DIAPH2: variants seen among roughly 807,000 people sequenced by gnomAD.
DIAPH2 encodes the protein protein diaphanous homolog 2.
In DIAPH2, 35 loss-of-function variants were observed where a neutral mutation model predicts 92.7. The observed-to-expected ratio is 0.38, with a 90% CI of 0.29 to 0.50. The LOEUF (loss-of-function observed/expected upper bound fraction) is 0.50, where lower values mean the gene tolerates loss of function less well. Among genes scored for constraint, DIAPH2 ranks in the 20% least tolerant of loss-of-function variants. The pLI is 0.94. For missense variants in DIAPH2, 701 were observed against 819.5 expected (o/e 0.86, Z 1.77); for synonymous variants, 301 against 280.4 (o/e 1.07, Z -0.73).
intron 22 of DIAPH2, among the ~76,000 whole-genome samples, chrX:97,235,872 G>T (rs974143127): frequency 1.8e-5 from 2 of 111,485 alleles, no homozygotes; most frequent in African/African-American, 6.5e-5. Context: ...GCTTTCAGTA[G>T]TGAGGAACTT....
At chrX:97,209,718 G>A (rs2147503685) in intron 22 of DIAPH2, among the ~76,000 whole-genome samples, 1 of 110,578 alleles carries the variant, frequency 9.0e-6, no homozygotes, top group South Asian at 3.8e-4. Flanking sequence ...TGTTGAAATA[G>A]TAAGGTACTT....
intron 26 of DIAPH2, among the ~76,000 whole-genome samples, chrX:97,568,546 A>T (rs952005588): frequency 1.8e-5 from 2 of 111,776 alleles, no homozygotes; most frequent in African/African-American, 6.5e-5. Context: ...CTCCTTAAAT[A>T]TTGATATTGG....
intron 26 of DIAPH2, among the ~76,000 whole-genome samples, chrX:97,468,190 A>T (rs1370575671): frequency 1.8e-5 from 2 of 112,131 alleles, no homozygotes; most frequent in Non-Finnish European, 3.8e-5. Context: ...AGAGTAGAAT[A>T]TTAGCCCATT....
chrX:97,437,873 C>T (rs960379747), intron 26 of DIAPH2, among the ~76,000 whole-genome samples: 2 of 109,192 alleles, frequency 1.8e-5, no homozygotes, highest in African/African-American at 3.3e-5. Context: ...TGGGATCACC[C>T]AGAAAGGACA....
Position 96,920,755 on chromosome X carries a change from A to G in DIAPH2, c.978+2138A>G, listed in dbSNP as rs1042945041. Among the ~76,000 whole-genome samples the G allele has an allele frequency of 4.4e-5, 5 of 112,656 alleles. No homozygotes were observed. The Admixed American group carries it at 4.7e-4, about 11-fold the overall frequency. On this transcript the variant is annotated intron_variant, in intron 9 of 26. Coordinates refer to ENST00000324765, the MANE Select transcript of DIAPH2 (RefSeq NM_006729.5). ...TAAAGTGACAAATTGTTAACAAGTA[A>G]CATATGGAAGAATCATAGATGTCTT... is the stretch of plus-strand genomic sequence containing the variant.
chrX:97,336,800 A>G (rs939895595), intron 23 of DIAPH2, among the ~76,000 whole-genome samples: 2 of 111,916 alleles, frequency 1.8e-5, no homozygotes, highest in African/African-American at 3.2e-5. Context: ...AAGGAAGGAT[A>G]AAAAGACAGA....
In DIAPH2 at chrX:97,367,420, T is replaced by G. The variant is rs574705300; in HGVS notation, c.3010-16489T>G. Among the ~76,000 whole-genome samples, 32 of 111,826 alleles carry G rather than the reference T, an allele frequency of 2.9e-4. No individual in the cohort carries two copies. The South Asian group carries it at 0.012, about 42-fold the overall frequency. ...CAATCACTACTATATAACAGTGTCC[T>G]TATTATTTCCAGTTTGGAAAAGAGG... On this transcript the variant is annotated intron_variant, in intron 24 of 26. Transcript: ENST00000324765.
chrX:97,181,883 T>A (rs1190506840), intron 22 of DIAPH2, among the ~76,000 whole-genome samples: 2 of 112,788 alleles, frequency 1.8e-5, no homozygotes, highest in African/African-American at 6.4e-5. Flanking sequence ...ATTTAGTTTT[T>A]ATAATAAGAT....
chrX:96,953,651 T>C (rs1349579106), intron 15 of DIAPH2: 1 of 112,219 alleles, frequency 8.9e-6, no homozygotes, highest in African/African-American at 3.2e-5. Flanking sequence ...GAGTTGCTTT[T>C]GGAGAATGAT....
intron 25 of DIAPH2, among the ~76,000 whole-genome samples, chrX:97,428,258 A>T (rs2070090288): frequency 1.8e-5 from 2 of 111,994 alleles, no homozygotes; most frequent in Non-Finnish European, 3.8e-5. Context: ...AGCTGGGCGC[A>T]GTGGCTCACG....
At chrX:96,708,387 G>T (rs985541345) in intron 1 of DIAPH2, among the ~76,000 whole-genome samples, 12 of 109,354 alleles carry the variant, frequency 1.1e-4, no homozygotes, top group South Asian at 4.0e-4. Flanking sequence ...GATTACAGGC[G>T]CCTGCCACCG....
chrX:97,575,849 T>C (rs1312320131), intron 26 of DIAPH2, among the ~76,000 whole-genome samples: 1 of 111,870 alleles, frequency 8.9e-6, no homozygotes, highest in Non-Finnish European at 1.9e-5. Context: ...AGTTAAAATA[T>C]GGGAAAGGGC....
intron 26 of DIAPH2, among the ~76,000 whole-genome samples, chrX:97,589,979 G>T (rs985671738): frequency 4.5e-5 from 5 of 112,289 alleles, no homozygotes; most frequent in Admixed American, 9.5e-5. Flanking sequence ...CAATGGCACC[G>T]ACAGCTGTTA....
chrX:96,836,827 A>C (rs1308799194), intron 4 of DIAPH2, among the ~76,000 whole-genome samples: 1 of 89,542 alleles, frequency 1.1e-5, no homozygotes, highest in Non-Finnish European at 2.1e-5. Flanking sequence ...TCCCGGGTTC[A>C]CGCCATTCTC....
chrX:97,521,008 C>T (rs897573231), intron 26 of DIAPH2, among the ~76,000 whole-genome samples: 1 of 111,213 alleles, frequency 9.0e-6, no homozygotes, highest in East Asian at 2.8e-4. Context: ...TGAAGTCTAC[C>T]CTCCATTGTG....
chrX:96,931,058 T>G (rs978282725), intron 10 of DIAPH2, among the ~76,000 whole-genome samples: 1 of 111,897 alleles, frequency 8.9e-6, no homozygotes, highest in Non-Finnish European at 1.9e-5. Context: ...AAGCGATGTG[T>G]TTTTGTTTTT....
intron 25 of DIAPH2, among the ~76,000 whole-genome samples, chrX:97,421,393 C>T (rs2070006835): frequency 9.0e-6 from 1 of 111,370 alleles, no homozygotes; most frequent in African/African-American, 3.3e-5. Context: ...GAGCAGTCTT[C>T]AATTTTGTGT....
At chrX:97,083,742 T>C (rs1316847456) in intron 19 of DIAPH2, among the ~76,000 whole-genome samples, 4 of 112,298 alleles carry the variant, frequency 3.6e-5, no homozygotes, top group Non-Finnish European at 7.5e-5. Flanking sequence ...TTTAATACGT[T>C]CCCAATCATT....
chrX:96,763,783 G>A (rs1274663691), intron 4 of DIAPH2, among the ~76,000 whole-genome samples: 2 of 111,338 alleles, frequency 1.8e-5, no homozygotes, highest in Admixed American at 9.6e-5. Flanking sequence ...CACGCCCAAA[G>A]TGGCCCGTAC....
Sources: gnomAD v4.1 joint callset for allele counts (sites outside exome capture counted in the v4.1 genomes callset) on GRCh38, gnomAD v4.1.1 for gene constraint, MANE v1.5 for transcripts, NCBI Gene and HGNC (gene_info 2026-07-23, HGNC 2026-07-21) for gene names.